Variants in CD96 observed in about 807,000 individuals in gnomAD.
The protein encoded by CD96 is CD96 molecule, also known as T-cell surface protein tactile.
CD96 carries 70 observed loss-of-function variants against 71.3 expected under a neutral mutation model. The observed-to-expected ratio is 0.98, with a 90% CI of 0.81 to 1.20. The LOEUF (loss-of-function observed/expected upper bound fraction) is 1.20, where lower values mean the gene tolerates loss of function less well. Ranked by LOEUF, CD96 falls within the 50% of genes most tolerant of loss-of-function variation. The probability of loss-of-function intolerance (pLI) is 0.00; values close to 1 mark genes in which losing one functional copy is unlikely to be tolerated. For missense variants in CD96, 742 were observed against 677.5 expected (o/e 1.10, Z -1.06); for synonymous variants, 248 against 233.0 (o/e 1.06, Z -0.59).
chr3:111,567,394 C>T, intron 2 of CD96, 129 bp from the exon 3 acceptor site: 3 of 726,358 alleles, frequency 4.1e-6, no homozygotes, highest in Non-Finnish European at 4.8e-6. Flanking sequence ...GAGTTTGCCT[C>T]TCTTTTTCAT....
intron 10 of CD96, among the ~76,000 whole-genome samples, chr3:111,627,031 G>A (rs949336860): frequency 6.6e-6 from 1 of 152,196 alleles, no homozygotes; most frequent in Non-Finnish European, 1.5e-5. Flanking sequence ...ACATGAGTAG[G>A]AGTGAGAGGG....
intron 10 of CD96, among the ~76,000 whole-genome samples, chr3:111,633,366 T>C (rs990968674): frequency 2.0e-5 from 3 of 152,076 alleles, no homozygotes; most frequent in African/African-American, 7.2e-5. Context: ...ATAGTAGATA[T>C]AACAATAATA....
intron 3 of CD96, chr3:111,571,161 G>T (rs1451323234): frequency 1.7e-6 from 1 of 603,216 alleles, no homozygotes; most frequent in Non-Finnish European, 3.0e-6. Context: ...CCTTTTCCCT[G>T]CCCCCTTTTC....
chr3:111,638,413 T>A (rs953776674), intron 12 of CD96, among the ~76,000 whole-genome samples: 1 of 152,214 alleles, frequency 6.6e-6, no homozygotes, highest in African/African-American at 2.4e-5. Context: ...GTTCTGATTT[T>A]AATTGGAGGA....
chr3:111,657,414 CA>C (rs71299335), intron 14 of CD96, among the ~76,000 whole-genome samples: 292 of 114,836 alleles, frequency 2.5e-3, no homozygotes, highest in Non-Finnish European at 3.1e-3. Flanking sequence ...GACTCCATTT[CA>C]AAAAAAAAAA....
At chr3:111,560,177 G>A (rs1419082311) in intron 2 of CD96, among the ~76,000 whole-genome samples, 8 of 151,600 alleles carry the variant, frequency 5.3e-5, no homozygotes, top group Non-Finnish European at 8.9e-5. Flanking sequence ...GCCAGTCTGT[G>A]TCTTTTAATT....
downstream of CD96, among the ~76,000 whole-genome samples, chr3:111,652,554 T>A (rs1940128867): frequency 6.6e-6 from 1 of 152,144 alleles, no homozygotes; most frequent in Non-Finnish European, 1.5e-5. Context: ...ATCTATCAGA[T>A]GACAGGTGTC....
chr3:111,593,864 C>G (rs145242115), intron 5 of CD96: 2 of 1,613,764 alleles, frequency 1.2e-6, no homozygotes, highest in African/African-American at 1.3e-5. Context: ...ACCATGGCCA[C>G]TCTTCTCCAG....
chr3:111,580,688 TC>T (rs994133378), intron 4 of CD96, among the ~76,000 whole-genome samples: 4 of 151,844 alleles, frequency 2.6e-5, no homozygotes, highest in Non-Finnish European at 5.9e-5. Flanking sequence ...CTCTGCATCC[TC>T]CCCCTTCTCT....
At chr3:111,569,087 A>G (rs535460205) in intron 3 of CD96, among the ~76,000 whole-genome samples, 138 of 152,338 alleles carry the variant, frequency 9.1e-4, no homozygotes, top group African/African-American at 3.1e-3. Flanking sequence ...TGTGATTCAG[A>G]TGGCTGATTA....
chr3:111,550,961 T>C (rs1934672432), intron 2 of CD96, among the ~76,000 whole-genome samples: 1 of 152,074 alleles, frequency 6.6e-6, no homozygotes, highest in African/African-American at 2.4e-5. Flanking sequence ...TTTAGATTGT[T>C]GCCAAAAGGA....
Position 111,545,184 on chromosome 3 carries a change from T to A in CD96, c.200T>A (p.Leu67Gln). The A allele has an allele frequency of 6.2e-7, 1 of 1,614,074 alleles. No individual in the cohort carries two copies. Among genetic ancestry groups the A allele is most frequent in the African/African-American group, 1.3e-5 (1 of 75,076 alleles). ...TCCAAGGTCACCAATAAGATAGACC[T>A]GATTGCTGTCTATCATCCCCAATAC... The part of the protein sequence containing the change: ...QWSKVTNKID[L>Q]IAVYHPQYGF... Residue 67 changes from leucine to glutamine, a missense_variant, in exon 2 of 14, where the codon CTG becomes CAG. Leu to Gln is a moderately radical substitution (Grantham distance 113). Coordinates refer to ENST00000352690, the MANE Select transcript of CD96 (RefSeq NM_005816.5).
intron 3 of CD96, among the ~76,000 whole-genome samples, chr3:111,573,292 A>G (rs1576335536): frequency 6.6e-6 from 1 of 152,224 alleles, no homozygotes; most frequent in African/African-American, 2.4e-5. Flanking sequence ...GTTCAGTCCA[A>G]TAAACATATA....
At chr3:111,561,518 C>T (rs1238093395) in intron 2 of CD96, among the ~76,000 whole-genome samples, 1 of 148,068 alleles carries the variant, frequency 6.8e-6, no homozygotes, top group African/African-American at 2.4e-5. Context: ...AGTTAGGCTG[C>T]TCGGGGGTCA....
At chr3:111,551,585 T>C (rs756857518) in intron 2 of CD96, among the ~76,000 whole-genome samples, 16 of 152,082 alleles carry the variant, frequency 1.1e-4, no homozygotes, top group Non-Finnish European at 2.2e-4. Flanking sequence ...AGTTCAGGGG[T>C]ACATGTGCAG....
chr3:111,618,685 C>T (rs1276173828), intron 8 of CD96, among the ~76,000 whole-genome samples: 8 of 150,576 alleles, frequency 5.3e-5, no homozygotes, highest in Admixed American at 4.0e-4. Flanking sequence ...CCCAGGTTCA[C>T]GCCATTCTCC....
chr3:111,596,010 A>T (rs1474492688), intron 5 of CD96, among the ~76,000 whole-genome samples: 1 of 151,926 alleles, frequency 6.6e-6, no homozygotes, highest in Non-Finnish European at 1.5e-5. Flanking sequence ...AAAAATGCAA[A>T]AATTAGCCAG....
intron 14 of CD96, among the ~76,000 whole-genome samples, chr3:111,658,543 A>G (rs369388764): frequency 6.6e-6 from 1 of 152,378 alleles, no homozygotes; most frequent in African/African-American, 2.4e-5. Flanking sequence ...GGATATATGC[A>G]TGGTCTCTAA....
intron 12 of CD96, among the ~76,000 whole-genome samples, chr3:111,640,182 A>C (rs1328661867): frequency 1.3e-5 from 2 of 152,200 alleles, no homozygotes; most frequent in Non-Finnish European, 2.9e-5. Context: ...ATTTAAGCTA[A>C]TCAGAGAGGG....
Sources: gnomAD v4.1 joint callset for allele counts (sites outside exome capture counted in the v4.1 genomes callset) on GRCh38, gnomAD v4.1.1 for gene constraint, MANE v1.5 for transcripts, NCBI Gene and HGNC (gene_info 2026-07-23, HGNC 2026-07-21) for gene names.